CNST: variants seen among roughly 807,000 people sequenced by gnomAD.
CNST encodes consortin, connexin sorting protein, also known as consortin.
CNST carries 39 observed loss-of-function variants against 72.4 expected under a neutral mutation model. The observed-to-expected ratio is 0.54, with a 90% CI of 0.42 to 0.70. The LOEUF (loss-of-function observed/expected upper bound fraction) is 0.70. CNST is among the 30% of genes least tolerant of loss of function. The pLI is 0.00. For missense variants in CNST, 871 were observed against 868.5 expected, an observed-to-expected ratio of 1.00 and a Z score of -0.04; for synonymous variants, 332 against 320.1, an observed-to-expected ratio of 1.04 and a Z score of -0.40.
intron 2 of CNST, among the ~76,000 whole-genome samples, chr1:246,620,729 G>C (rs1664029016): frequency 7.8e-6 from 1 of 128,340 alleles, no homozygotes; most frequent in African/African-American, 2.9e-5. Flanking sequence ...CACACGATGG[G>C]CTCTGGGAAC....
intron 1 of CNST, among the ~76,000 whole-genome samples, chr1:246,574,507 C>T (rs946873181): frequency 5.9e-5 from 9 of 152,144 alleles, no homozygotes; most frequent in African/African-American, 2.2e-4. Flanking sequence ...CTCCGTGCAG[C>T]CTCAAACTCC....
At chr1:246,633,305 C>T (rs145509838) in intron 4 of CNST, among the ~76,000 whole-genome samples, 1,984 of 151,796 alleles carry the variant, frequency 0.013, 17 homozygotes, top group Middle Eastern at 0.037. Context: ...AAAAAGGAGC[C>T]GGGCATGATG....
At chr1:246,650,969 T>C (rs1437769620) in intron 9 of CNST, among the ~76,000 whole-genome samples, 1 of 152,118 alleles carries the variant, frequency 6.6e-6, no homozygotes, top group African/African-American at 2.4e-5. Context: ...TGAGCTACCA[T>C]GCTTGGCCTT....
chr1:246,654,688 C>CT (rs1288931686), intron 9 of CNST, among the ~76,000 whole-genome samples: 2 of 152,238 alleles, frequency 1.3e-5, no homozygotes, highest in African/African-American at 2.4e-5. Flanking sequence ...CACAGTAAGG[C>CT]TTTTTTTCTT....
At position 246,664,490 on chromosome 1, in the gene CNST, G is replaced by A. The variant is rs1280162004; in HGVS notation, c.1973-1210G>A. Among the ~76,000 whole-genome samples, 5 of 151,440 alleles carry A rather than the reference G, an allele frequency of 3.3e-5. No homozygotes were observed. The East Asian group carries it at 9.7e-4, about 29-fold the overall frequency. On this transcript the variant is annotated intron_variant, in intron 10 of 10. Transcript: ENST00000366513. ...GGCCCAGGCTGGAGTGCAGTGGTGT[G>A]ATCTCAGCTCACTGCAACCTCCGCC...
intron 1 of CNST, among the ~76,000 whole-genome samples, chr1:246,573,832 C>T (rs549168944): frequency 6.6e-6 from 1 of 151,430 alleles, no homozygotes; most frequent in Non-Finnish European, 1.5e-5. Context: ...TGGAGAGTTT[C>T]CATTTTCCTC....
At chr1:246,588,606 G>A (rs1242972636) in intron 1 of CNST, among the ~76,000 whole-genome samples, 1 of 152,108 alleles carries the variant, frequency 6.6e-6, no homozygotes, top group African/African-American at 2.4e-5. Context: ...ATGTAATTTT[G>A]TGGTCTAGTA....
intron 9 of CNST, among the ~76,000 whole-genome samples, chr1:246,651,122 G>A (rs1389448456): frequency 6.6e-6 from 1 of 151,484 alleles, no homozygotes; most frequent in African/African-American, 2.4e-5. Flanking sequence ...GATTTTACTG[G>A]AATTGTTTTT....
At chr1:246,653,364 A>G (rs778575178) in intron 9 of CNST, among the ~76,000 whole-genome samples, 2 of 152,242 alleles carry the variant, frequency 1.3e-5, no homozygotes, top group Non-Finnish European at 2.9e-5. Context: ...AGCACTAAGC[A>G]GTAGTCGCTT....
chr1:246,578,772 C>G (rs1660608971), intron 1 of CNST, among the ~76,000 whole-genome samples: 1 of 152,176 alleles, frequency 6.6e-6, no homozygotes, highest in Non-Finnish European at 1.5e-5. Flanking sequence ...TTATCAAACT[C>G]TTCAACCCCA....
rs542435328 is a variant in CNST at position 246,566,878 on chromosome 1, C to G, written c.-52+215C>G. ...CTCAGCTACTGTGGGTCTCCTATTG[C>G]TGCGCGTCGCGCCAATTTCTCCCTC... On this transcript the variant is annotated intron_variant, in intron 1 of 10. Transcript: ENST00000366513. The G allele has an allele frequency of 3.3e-4, 125 of 383,902 alleles. No individual in the cohort carries two copies. In the East Asian group the frequency reaches 4.6e-3, roughly 14 times the overall value. 23.8% of individuals were successfully genotyped at this position (383,902 alleles called of 1,614,324 possible). A position where few individuals can be genotyped will look rare whatever the true frequency, so the allele number is the denominator to read the frequency against.
At chr1:246,582,714 C>T (rs1053207405) in intron 1 of CNST, among the ~76,000 whole-genome samples, 7 of 152,326 alleles carry the variant, frequency 4.6e-5, no homozygotes, top group African/African-American at 7.2e-5. Flanking sequence ...TCTAACTATT[C>T]GCTGTTCATT....
intron 2 of CNST, among the ~76,000 whole-genome samples, chr1:246,601,389 T>C (rs865829235): frequency 5.3e-5 from 8 of 152,174 alleles, no homozygotes; most frequent in South Asian, 4.1e-4. Context: ...TGTTAGTGAT[T>C]TTTTCTATTG....
intron 1 of CNST, among the ~76,000 whole-genome samples, chr1:246,579,702 C>T (rs1287976716): frequency 1.3e-5 from 2 of 152,094 alleles, no homozygotes. Context: ...TTGCAGTGAG[C>T]CAAGATTGCC....
chr1:246,647,310 C>G lies in CNST; in HGVS notation c.1109C>G (p.Thr370Arg), dbSNP rs747936058. ...MEELLCSAEATLALHTQSSET... is the reference protein window; with the variant it reads ...MEELLCSAEARLALHTQSSET... ...GAGCTGCTCTGCAGCGCTGAAGCCACGTTAGCGCTCCACACCCAGTCCTCC... is the reference window on the plus strand; with the variant it reads ...GAGCTGCTCTGCAGCGCTGAAGCCAGGTTAGCGCTCCACACCCAGTCCTCC... The change falls in exon 9 of 11, where the codon ACG (threonine) becomes AGG (arginine). Residue 370 changes from threonine (T) to arginine (R), a missense_variant. By Grantham distance (71) the Thr-to-Arg change is moderately conservative (BLOSUM62 -1). Transcript: ENST00000366513. 2.7e-5 allele frequency: 43 copies of G among 1,614,046 alleles called. No homozygotes were observed. Among genetic ancestry groups the G allele is most frequent in the Non-Finnish European group, 3.6e-5 (42 of 1,180,056 alleles).
intron 2 of CNST, among the ~76,000 whole-genome samples, chr1:246,617,332 C>T (rs1009820288): frequency 2.0e-5 from 3 of 152,160 alleles, no homozygotes; most frequent in Non-Finnish European, 2.9e-5. Flanking sequence ...TCTTATAACT[C>T]CTATTATTCA....
At chr1:246,567,422 A>G (rs1659781200) in intron 1 of CNST, among the ~76,000 whole-genome samples, 1 of 151,738 alleles carries the variant, frequency 6.6e-6, no homozygotes, top group Non-Finnish European at 1.5e-5. Context: ...GTGTTTCAGG[A>G]TCAAACTTAG....
intron 2 of CNST, among the ~76,000 whole-genome samples, chr1:246,597,383 A>G (rs1185171997): frequency 6.6e-6 from 1 of 152,162 alleles, no homozygotes; most frequent in Non-Finnish European, 1.5e-5. Context: ...GTCACTCCTC[A>G]TTCTTCCCTT....
At chr1:246,568,342 T>C (rs1659852674) in intron 1 of CNST, among the ~76,000 whole-genome samples, 1 of 152,232 alleles carries the variant, frequency 6.6e-6, no homozygotes, top group African/African-American at 2.4e-5. Context: ...AATTACATTA[T>C]AATATTCCCT....
Sources: gnomAD v4.1 joint callset for allele counts (sites outside exome capture counted in the v4.1 genomes callset) on GRCh38, gnomAD v4.1.1 for gene constraint, MANE v1.5 for transcripts, NCBI Gene and HGNC (gene_info 2026-07-23, HGNC 2026-07-21) for gene names.